Variants in ATOSA observed in about 807,000 individuals in gnomAD.
ATOSA encodes atos homolog protein A.
chr15:52,624,226 CGTTTTT>C, the ATOSA span, among the ~76,000 whole-genome samples: 20 of 152,254 alleles, frequency 1.3e-4, no homozygotes, highest in South Asian at 8.3e-4. Context: ...TGAGCTTAAA[CGTTTTT>C]GTTTTTGTTT....
At chr15:52,632,817 G>C in the ATOSA span, among the ~76,000 whole-genome samples, 3 of 152,040 alleles carry the variant, frequency 2.0e-5, no homozygotes, top group Non-Finnish European at 4.4e-5. Context: ...TTTATTCAAG[G>C]AATGCCATGA....
the ATOSA span, chr15:52,611,784 G>T: frequency 1.6e-5 from 25 of 1,612,820 alleles, no homozygotes; most frequent in Non-Finnish European, 1.9e-5. Context: ...GGCACTTAGA[G>T]AAAATGAATA....
At chr15:52,604,026 ATAATCCATT>A in the ATOSA span, among the ~76,000 whole-genome samples, 1 of 152,266 alleles carries the variant, frequency 6.6e-6, no homozygotes, top group Non-Finnish European at 1.5e-5. Flanking sequence ...GAAGTGATAG[ATAATCCATT>A]TACTCCGATT....
chr15:52,650,424 G>A, the ATOSA span, among the ~76,000 whole-genome samples: 17 of 152,076 alleles, frequency 1.1e-4, no homozygotes, highest in Non-Finnish European at 5.9e-5. Flanking sequence ...CCACATGTAG[G>A]TCTACGTAAA....
chr15:52,584,599 C>A, the ATOSA span: 8 of 653,928 alleles, frequency 1.2e-5, no homozygotes, highest in Admixed American at 9.2e-5. Context: ...CATGTACTTT[C>A]GGCATCTTGG....
chr15:52,602,816 C>T, the ATOSA span, among the ~76,000 whole-genome samples: 1 of 152,204 alleles, frequency 6.6e-6, no homozygotes, highest in African/African-American at 2.4e-5. Flanking sequence ...AAGATTGTTA[C>T]AGACTTGCAG....
At chr15:52,692,295 G>T in the ATOSA span, among the ~76,000 whole-genome samples, 1 of 150,898 alleles carries the variant, frequency 6.6e-6, no homozygotes, top group Non-Finnish European at 1.5e-5. Context: ...ATTGTTTTAT[G>T]CCAAAATCTA....
chr15:52,623,315 T>C, the ATOSA span, among the ~76,000 whole-genome samples: 3 of 152,074 alleles, frequency 2.0e-5, no homozygotes, highest in Non-Finnish European at 2.9e-5. Context: ...CATTTAAAAA[T>C]GATCACCCTG....
the ATOSA span, among the ~76,000 whole-genome samples, chr15:52,673,047 T>G: frequency 6.6e-6 from 1 of 152,160 alleles, no homozygotes; most frequent in African/African-American, 2.4e-5. Flanking sequence ...TAGCCCCCTT[T>G]TGTCTTCCTC....
At chr15:52,589,679 T>C in the ATOSA span, among the ~76,000 whole-genome samples, 1 of 152,218 alleles carries the variant, frequency 6.6e-6, no homozygotes, top group Non-Finnish European at 1.5e-5. Context: ...GGAATTTTAT[T>C]ATTCATCATT....
the ATOSA span, among the ~76,000 whole-genome samples, chr15:52,632,666 T>G: frequency 6.6e-6 from 1 of 152,236 alleles, no homozygotes. Flanking sequence ...CCCAGTGTAG[T>G]TGACAAGTAT....
chr15:52,627,372 A>G, the ATOSA span, among the ~76,000 whole-genome samples: 7 of 152,212 alleles, frequency 4.6e-5, no homozygotes, highest in African/African-American at 1.4e-4. Context: ...CTCTAACTCA[A>G]CTATAAACTC....
the ATOSA span, among the ~76,000 whole-genome samples, chr15:52,683,335 C>T: frequency 6.6e-6 from 1 of 152,186 alleles, no homozygotes; most frequent in Admixed American, 6.5e-5. Flanking sequence ...CCTGAATGGA[C>T]TCATTTAATT....
At chr15:52,618,281 C>T in the ATOSA span, among the ~76,000 whole-genome samples, 1 of 152,142 alleles carries the variant, frequency 6.6e-6, no homozygotes, top group Non-Finnish European at 1.5e-5. Context: ...CTTCGTGATC[C>T]ACCTGCCTCG....
chr15:52,637,026 C>T, the ATOSA span, among the ~76,000 whole-genome samples: 1 of 152,118 alleles, frequency 6.6e-6, no homozygotes, highest in Non-Finnish European at 1.5e-5. Flanking sequence ...CTAGCAATTA[C>T]AGTAACTATC....
the ATOSA span, among the ~76,000 whole-genome samples, chr15:52,620,558 C>G: frequency 6.6e-6 from 1 of 152,154 alleles, no homozygotes; most frequent in Non-Finnish European, 1.5e-5. Context: ...TAAAGCCTGC[C>G]AGAGAAGGAG....
the ATOSA span, among the ~76,000 whole-genome samples, chr15:52,612,053 C>T: frequency 1.3e-5 from 2 of 152,154 alleles, no homozygotes; most frequent in South Asian, 2.1e-4. Context: ...GGTGCAGTCT[C>T]GGCTCACTGC....
At chr15:52,646,273 C>G in the ATOSA span, among the ~76,000 whole-genome samples, 5 of 152,180 alleles carry the variant, frequency 3.3e-5, no homozygotes, top group Non-Finnish European at 5.9e-5. Context: ...CTTGGGCACA[C>G]ACAGATCAGT....
At chr15:52,606,604 C>A in the ATOSA span, among the ~76,000 whole-genome samples, 1 of 152,056 alleles carries the variant, frequency 6.6e-6, no homozygotes, top group East Asian at 1.9e-4. Flanking sequence ...AAAAAATGAA[C>A]CTTAGTGGGC....
Sources: gnomAD v4.1 joint callset for allele counts (sites outside exome capture counted in the v4.1 genomes callset) on GRCh38, gnomAD v4.1.1 for gene constraint, MANE v1.5 for transcripts, NCBI Gene and HGNC (gene_info 2026-07-23, HGNC 2026-07-21) for gene names.